Variants in CHD1L observed in about 807,000 individuals in gnomAD.
The protein encoded by CHD1L is ATP-dependent chromatin remodeler CHD1L.
CHD1L carries 118 observed loss-of-function variants against 115.9 expected under a neutral mutation model. That is an observed-to-expected ratio of 1.02 (90% confidence interval 0.88 to 1.19). The LOEUF (loss-of-function observed/expected upper bound fraction) is 1.19, where lower values mean the gene tolerates loss of function less well. Ranked by LOEUF, CHD1L falls within the 50% of genes most tolerant of loss-of-function variation. The pLI is 0.00. For synonymous variants in CHD1L, 411 were observed against 387.1 expected, an observed-to-expected ratio of 1.06 and a Z score of -0.72; for missense variants, 1,179 against 1,065.3, an observed-to-expected ratio of 1.11 and a Z score of -1.49.
intron 10 of CHD1L, 64 bp downstream of exon 10, chr1:147,268,942 A>G (rs976368319): frequency 7.7e-7 from 1 of 1,292,818 alleles, no homozygotes; most frequent in Non-Finnish European, 1.1e-6. Flanking sequence ...CTATTGAGGA[A>G]CTCACTGAGT....
chr1:147,178,095 C>G, the CHD1L span: 1 of 1,516,818 alleles, frequency 6.6e-7, no homozygotes, highest in African/African-American at 1.4e-5. Flanking sequence ...TCCGGCTGCC[C>G]CCACCCCACC....
the CHD1L span, among the ~76,000 whole-genome samples, chr1:147,217,365 G>T: frequency 6.6e-6 from 1 of 151,998 alleles, no homozygotes; most frequent in Non-Finnish European, 1.5e-5. Flanking sequence ...TTTCACAAAT[G>T]AGGAGTTTTC....
At chr1:147,253,584 AC>A (rs1176105876) in intron 2 of CHD1L, among the ~76,000 whole-genome samples, 2 of 152,106 alleles carry the variant, frequency 1.3e-5, no homozygotes, top group African/African-American at 4.8e-5. Context: ...GCTCACTGCA[AC>A]CTCTGCCTCC....
At chr1:147,285,991 C>T (rs1682962277) in intron 17 of CHD1L, among the ~76,000 whole-genome samples, 1 of 152,096 alleles carries the variant, frequency 6.6e-6, no homozygotes, top group Admixed American at 6.6e-5. Flanking sequence ...GCTACCATGC[C>T]CGGCCAAAAC....
intron 19 of CHD1L, 90 bp from the exon 20 acceptor site, chr1:147,291,392 A>C (rs1403115698): frequency 8.7e-7 from 1 of 1,146,398 alleles, no homozygotes; most frequent in Non-Finnish European, 1.3e-6. Flanking sequence ...CCTGAAACCC[A>C]ACTGAATTTG....
At chr1:147,282,586 T>C (rs1681348902) in intron 15 of CHD1L, among the ~76,000 whole-genome samples, 1 of 152,192 alleles carries the variant, frequency 6.6e-6, no homozygotes, top group African/African-American at 2.4e-5. Context: ...CATTGCCTCA[T>C]AGATCTTTTT....
chr1:147,197,643 G>A, the CHD1L span, among the ~76,000 whole-genome samples: 1 of 152,216 alleles, frequency 6.6e-6, no homozygotes, highest in South Asian at 2.1e-4. Context: ...GCCACCCTGT[G>A]AAGAAGTTCC....
intron 15 of CHD1L, among the ~76,000 whole-genome samples, chr1:147,283,513 C>T (rs1395640467): frequency 6.6e-6 from 1 of 152,190 alleles, no homozygotes; most frequent in African/African-American, 2.4e-5. Flanking sequence ...CACTCAACCT[C>T]ATTGAGCCTT....
the CHD1L span, among the ~76,000 whole-genome samples, chr1:147,229,502 G>T: frequency 6.6e-6 from 1 of 151,492 alleles, no homozygotes; most frequent in Non-Finnish European, 1.5e-5. Context: ...GCTCTTTTTT[G>T]GTTCCATATG....
At chr1:147,280,608 T>C (rs1680469819) in intron 15 of CHD1L, among the ~76,000 whole-genome samples, 1 of 152,224 alleles carries the variant, frequency 6.6e-6, no homozygotes. Context: ...GCATTTATTT[T>C]GCGTTCATCA....
chr1:147,225,249 C>T, the CHD1L span: 1 of 1,296,254 alleles, frequency 7.7e-7, no homozygotes, highest in Non-Finnish European at 1.0e-6. Flanking sequence ...CTGCAAGACC[C>T]AGAGCTGAGA....
chr1:147,194,150 T>C, the CHD1L span, among the ~76,000 whole-genome samples: 1 of 152,156 alleles, frequency 6.6e-6, no homozygotes, highest in Non-Finnish European at 1.5e-5. Context: ...CTAAGTCTCT[T>C]TGTAGGTCAC....
chr1:147,230,833 T>C, the CHD1L span, among the ~76,000 whole-genome samples: 1 of 151,708 alleles, frequency 6.6e-6, no homozygotes, highest in Non-Finnish European at 1.5e-5. Context: ...GTAGTTTGTA[T>C]TTCTGTGGGA....
At chr1:147,240,498 C>A (rs755522070), upstream of CHD1L, among the ~76,000 whole-genome samples, 24 of 152,148 alleles carry the variant, frequency 1.6e-4, no homozygotes, top group Non-Finnish European at 2.9e-4. Context: ...CTGACCGTCC[C>A]CCAGCCTGAC....
the CHD1L span, among the ~76,000 whole-genome samples, chr1:147,236,755 G>A: frequency 6.6e-6 from 1 of 152,166 alleles, no homozygotes; most frequent in African/African-American, 2.4e-5. Context: ...TCTGCGGCTG[G>A]TTATCCCACT....
the CHD1L span, among the ~76,000 whole-genome samples, chr1:147,182,627 C>T: frequency 6.6e-6 from 1 of 151,998 alleles, no homozygotes; most frequent in Non-Finnish European, 1.5e-5. Flanking sequence ...TATATTATAG[C>T]GAGGCAGAGA....
intron 1 of CHD1L, among the ~76,000 whole-genome samples, chr1:147,250,470 G>A (rs1553935901): frequency 1.3e-5 from 2 of 152,068 alleles, no homozygotes; most frequent in Non-Finnish European, 2.9e-5. Context: ...TGGGGATTGG[G>A]AAGGGGCTCC....
chr1:147,230,432 G>A, the CHD1L span, among the ~76,000 whole-genome samples: 5 of 85,578 alleles, frequency 5.8e-5, 1 homozygote, highest in Non-Finnish European at 9.7e-5. Flanking sequence ...GAGGATTTTT[G>A]TGTCGATGTT....
rs927836458 is a variant in CHD1L at position 147,284,407 on chromosome 1, G to A, written c.1762G>A (p.Asp588Asn). The change falls in exon 16 of 23, where the codon GAC becomes AAC. Residue 588 changes from aspartate (D) to asparagine (N), a missense_variant. Transcript: ENST00000369258. ...TTATTCTAAAGAGCCCAGTAAGGAA[G>A]ACAGAAAATCATTTGAACAACTGGT... ...KDYSKEPSKE[D>N]RKSFEQLVNL... 1 of 1,610,492 alleles carries A rather than the reference G, an allele frequency of 6.2e-7. No homozygotes were observed. Among genetic ancestry groups the A allele is most frequent in the East Asian group, 2.2e-5 (1 of 44,776 alleles).
Sources: gnomAD v4.1 joint callset for allele counts (sites outside exome capture counted in the v4.1 genomes callset) on GRCh38, gnomAD v4.1.1 for gene constraint, MANE v1.5 for transcripts, NCBI Gene and HGNC (gene_info 2026-07-23, HGNC 2026-07-21) for gene names.